Variants in PTPRK observed in about 807,000 individuals in gnomAD.
The protein encoded by PTPRK is protein tyrosine phosphatase receptor type K, also known as receptor-type tyrosine-protein phosphatase kappa.
PTPRK carries 75 observed loss-of-function variants against 178.0 expected under a neutral mutation model. The observed-to-expected ratio is 0.42, with a 90% CI of 0.35 to 0.51. The LOEUF (loss-of-function observed/expected upper bound fraction) is 0.51. Among genes scored for constraint, PTPRK ranks in the 20% least tolerant of loss-of-function variants. PTPRK has a pLI of 0.02. For synonymous variants in PTPRK, 637 were observed against 620.6 expected (o/e 1.03, Z -0.39); for missense variants, 1,441 against 1,797.8 (o/e 0.80, Z 3.59).
At chr6:128,097,678 C>G (rs925248707) in intron 7 of PTPRK, among the ~76,000 whole-genome samples, 1 of 151,972 alleles carries the variant, frequency 6.6e-6, no homozygotes. Flanking sequence ...GAATCCACTT[C>G]GATTCATCTC....
At chr6:128,315,643 ATAAT>A (rs1482666027) in intron 3 of PTPRK, among the ~76,000 whole-genome samples, 3 of 152,282 alleles carry the variant, frequency 2.0e-5, no homozygotes, top group African/African-American at 7.2e-5. Flanking sequence ...TAACAACAGA[ATAAT>A]TAGATTCTAT....
At chr6:128,266,789 T>G (rs1346124045) in intron 3 of PTPRK, among the ~76,000 whole-genome samples, 1 of 152,126 alleles carries the variant, frequency 6.6e-6, no homozygotes, top group African/African-American at 2.4e-5. Context: ...AGTTTTTGTG[T>G]GCTTCCTGAA....
chr6:128,149,923 T>C (rs1258705520), intron 7 of PTPRK, among the ~76,000 whole-genome samples: 4 of 152,284 alleles, frequency 2.6e-5, no homozygotes, highest in South Asian at 4.1e-4. Context: ...ATGTTCACTA[T>C]GGGGAACAGT....
intron 15 of PTPRK, among the ~76,000 whole-genome samples, chr6:128,004,497 A>G (rs1778201520): frequency 6.6e-6 from 1 of 151,838 alleles, no homozygotes; most frequent in Non-Finnish European, 1.5e-5. Context: ...AGATGGATGG[A>G]TGAATTTCAC....
chr6:128,264,966 A>G (rs1017906456), intron 3 of PTPRK, among the ~76,000 whole-genome samples: 3 of 152,160 alleles, frequency 2.0e-5, no homozygotes, highest in Non-Finnish European at 2.9e-5. Flanking sequence ...GCCTTCTGCC[A>G]TGATTGTGAG....
At chr6:128,514,370 A>ATGTGTG (rs146438569) in intron 1 of PTPRK, among the ~76,000 whole-genome samples, 1,639 of 148,342 alleles carry the variant, frequency 0.011, 17 homozygotes, top group African/African-American at 0.034. Flanking sequence ...CATTGTTAAG[A>ATGTGTG]TGTGTGTGTG....
At chr6:128,259,665 A>C (rs909212124) in intron 3 of PTPRK, among the ~76,000 whole-genome samples, 22 of 152,188 alleles carry the variant, frequency 1.4e-4, no homozygotes, top group African/African-American at 4.3e-4. Context: ...GAGGCAAAAA[A>C]TTTCAAGTAT....
intron 3 of PTPRK, among the ~76,000 whole-genome samples, chr6:128,291,188 G>C (rs1416908799): frequency 6.6e-6 from 1 of 152,080 alleles, no homozygotes; most frequent in Admixed American, 6.6e-5. Flanking sequence ...AGCTACAGAA[G>C]AGGTCAGAGG....
In PTPRK at chr6:127,975,578, A is replaced by G. The variant is rs1402471832; in HGVS notation, c.3969+1079T>C. Among the ~76,000 whole-genome samples, 5 of 152,188 alleles carry G rather than the reference A, an allele frequency of 3.3e-5. No individual in the cohort carries two copies. In the South Asian group the frequency reaches 6.2e-4, roughly 19 times the overall value. On this transcript the variant is annotated intron_variant, in intron 27 of 29. Coordinates refer to ENST00000368226, the MANE Select transcript of PTPRK (RefSeq NM_002844.4). ...AGCTGGTGCTTTAAAAAACAGAGTA[A>G]TGTTTCTCTCTAAAAAGAGCTTAAT...
At chr6:128,048,861 C>T (rs1160791042) in intron 13 of PTPRK, among the ~76,000 whole-genome samples, 1 of 152,136 alleles carries the variant, frequency 6.6e-6, no homozygotes, top group Non-Finnish European at 1.5e-5. Context: ...AATGACTGTA[C>T]TTATTTGTTT....
chr6:128,428,776 G>A (rs1045116885), intron 1 of PTPRK, among the ~76,000 whole-genome samples: 1 of 152,170 alleles, frequency 6.6e-6, no homozygotes, highest in Non-Finnish European at 1.5e-5. Flanking sequence ...TGGTGCAAAG[G>A]TCATATACAT....
At chr6:128,355,177 A>C (rs1174440601) in intron 2 of PTPRK, among the ~76,000 whole-genome samples, 1 of 152,228 alleles carries the variant, frequency 6.6e-6, no homozygotes, top group African/African-American at 2.4e-5. Context: ...AAATATTCTG[A>C]TGTGAAGATG....
At chr6:128,221,552 A>G (rs1195591206) in intron 5 of PTPRK, among the ~76,000 whole-genome samples, 1 of 151,442 alleles carries the variant, frequency 6.6e-6, no homozygotes, top group East Asian at 1.9e-4. Context: ...AATAATAATA[A>G]TAATTTTCTA....
intron 15 of PTPRK, chr6:128,004,873 T>A (rs1261967687): frequency 4.2e-5 from 21 of 503,830 alleles, no homozygotes; most frequent in Non-Finnish European, 1.8e-5. Context: ...AGTAATAAAA[T>A]TCATAGAGTT....
chr6:128,094,954 A>G (rs1388316507), intron 7 of PTPRK, among the ~76,000 whole-genome samples: 1 of 152,126 alleles, frequency 6.6e-6, no homozygotes, highest in East Asian at 1.9e-4. Context: ...ACAGAAACAG[A>G]GATGAGCATG....
Position 127,995,279 on chromosome 6 carries a change from C to T in PTPRK, c.2844+183G>A, listed in dbSNP as rs202228755. On this transcript the variant is annotated intron_variant, in intron 18 of 29. Coordinates refer to ENST00000368226, the MANE Select transcript of PTPRK (RefSeq NM_002844.4). ...TGTACAGCCAAATCTACAGCCCAAACCAAAGTCAGGTGTGAAAGAAAGCAC... is the reference window on the plus strand; with the variant it reads ...TGTACAGCCAAATCTACAGCCCAAATCAAAGTCAGGTGTGAAAGAAAGCAC... 5.6e-6 allele frequency: 9 copies of T among 1,607,038 alleles called. No homozygotes were observed. The African/African-American group carries it at 1.1e-4, about 19-fold the overall frequency.
At chr6:128,100,289 G>A (rs1054977907) in intron 7 of PTPRK, among the ~76,000 whole-genome samples, 2 of 151,974 alleles carry the variant, frequency 1.3e-5, no homozygotes, top group African/African-American at 4.8e-5. Flanking sequence ...TAAAATGGAA[G>A]AGTCATGATC....
At position 128,011,126 on chromosome 6, in the gene PTPRK, C is replaced by T. The variant is rs533587124; in HGVS notation, c.2195-1858G>A. On this transcript the variant is annotated intron_variant, in intron 13 of 29. Transcript: ENST00000368226. ...TGAAAAAACCTAAAAGGAACATAGT[C>T]ATTGCTTGTAACTCAAATTACATTG... 4.6e-5 allele frequency among the ~76,000 whole-genome samples: 7 copies of T among 151,320 alleles called. No individual in the cohort carries two copies. The East Asian group carries it at 1.4e-3, about 29-fold the overall frequency.
At chr6:128,177,238 A>C (rs1203026088) in intron 7 of PTPRK, among the ~76,000 whole-genome samples, 2 of 151,682 alleles carry the variant, frequency 1.3e-5, no homozygotes, top group African/African-American at 4.8e-5. Flanking sequence ...TTTCTTCATC[A>C]TATACTCCTG....
Sources: gnomAD v4.1 joint callset for allele counts (sites outside exome capture counted in the v4.1 genomes callset) on GRCh38, gnomAD v4.1.1 for gene constraint, MANE v1.5 for transcripts, NCBI Gene and HGNC (gene_info 2026-07-23, HGNC 2026-07-21) for gene names.